THSD7A: variants seen among roughly 807,000 people sequenced by gnomAD.
THSD7A encodes thrombospondin type-1 domain-containing protein 7A.
A neutral mutation model predicts 231.3 loss-of-function variants in THSD7A; 96 were observed. The ratio of observed to expected loss-of-function variants is 0.41; its 90% CI spans 0.35 to 0.49. The LOEUF (loss-of-function observed/expected upper bound fraction) is 0.49. Among genes scored for constraint, THSD7A ranks in the 20% least tolerant of loss-of-function variants. THSD7A has a pLI of 0.05. For missense variants in THSD7A, 2,290 were observed against 2,070.2 expected (o/e 1.11, Z -2.06); for synonymous variants, 940 against 743.3 (o/e 1.26, Z -4.30).
At chr7:11,810,917 C>A (rs1372371533) in intron 1 of THSD7A, among the ~76,000 whole-genome samples, 1 of 152,056 alleles carries the variant, frequency 6.6e-6, no homozygotes, top group Non-Finnish European at 1.5e-5. Flanking sequence ...ACTAAAGACT[C>A]CTCAAATCAG....
intron 4 of THSD7A, among the ~76,000 whole-genome samples, chr7:11,584,472 C>A (rs1409261505): frequency 6.6e-6 from 1 of 151,918 alleles, no homozygotes; most frequent in Non-Finnish European, 1.5e-5. Context: ...GTGTGTGAAT[C>A]TTGACTAGGT....
chr7:11,588,622 C>CTATT (rs1780016685), intron 4 of THSD7A, among the ~76,000 whole-genome samples: 1 of 151,984 alleles, frequency 6.6e-6, no homozygotes, highest in Admixed American at 6.6e-5. Flanking sequence ...TTGGGGGGAG[C>CTATT]TCTAAAAGAA....
intron 1 of THSD7A, among the ~76,000 whole-genome samples, chr7:11,705,535 G>A (rs1489117525): frequency 6.6e-6 from 1 of 150,850 alleles, no homozygotes; most frequent in Non-Finnish European, 1.5e-5. Flanking sequence ...GCCTATTGCA[G>A]CCTATACCAC....
At chr7:11,675,003 G>A (rs1439010806) in intron 1 of THSD7A, among the ~76,000 whole-genome samples, 1 of 152,140 alleles carries the variant, frequency 6.6e-6, no homozygotes, top group Non-Finnish European at 1.5e-5. Context: ...AACAGCTCCA[G>A]TCTGCTGCTC....
At chr7:11,783,781 A>G (rs1783704021) in intron 1 of THSD7A, among the ~76,000 whole-genome samples, 1 of 152,140 alleles carries the variant, frequency 6.6e-6, no homozygotes, top group South Asian at 2.1e-4. Context: ...AAAAATACAC[A>G]ATAGTCTAGA....
chr7:11,775,332 C>T (rs895166385), intron 1 of THSD7A, among the ~76,000 whole-genome samples: 1 of 152,104 alleles, frequency 6.6e-6, no homozygotes, highest in African/African-American at 2.4e-5. Context: ...TATTACCCAG[C>T]AATTCCATCT....
chr7:11,653,931 GATT>G (rs900605536), intron 1 of THSD7A, among the ~76,000 whole-genome samples: 31 of 151,844 alleles, frequency 2.0e-4, no homozygotes, highest in African/African-American at 7.2e-4. Context: ...ATAGTTTATT[GATT>G]ATTATTGAGT....
chr7:11,388,239 C>G (rs553716036), intron 23 of THSD7A, among the ~76,000 whole-genome samples: 1 of 151,438 alleles, frequency 6.6e-6, no homozygotes, highest in Admixed American at 6.6e-5. Flanking sequence ...CCCTCTTTTT[C>G]TATTGATTGG....
At chr7:11,701,067 T>C (rs1417499776) in intron 1 of THSD7A, among the ~76,000 whole-genome samples, 1 of 151,284 alleles carries the variant, frequency 6.6e-6, no homozygotes, top group African/African-American at 2.4e-5. Context: ...TAAGTTTTCA[T>C]GATTTAAAAT....
intron 2 of THSD7A, among the ~76,000 whole-genome samples, chr7:11,625,006 C>T (rs765826317): frequency 7.9e-5 from 12 of 151,942 alleles, no homozygotes; most frequent in Non-Finnish European, 1.5e-4. Context: ...ATCAGTATAT[C>T]GTATATTGTA....
At chr7:11,641,752 T>C (rs1027265214) in intron 1 of THSD7A, among the ~76,000 whole-genome samples, 1 of 120,534 alleles carries the variant, frequency 8.3e-6, no homozygotes, top group East Asian at 2.0e-4. Context: ...GAACCTAAAA[T>C]AAAATAAAAT....
chr7:11,714,983 A>T (rs536506160), intron 1 of THSD7A, among the ~76,000 whole-genome samples: 1 of 151,410 alleles, frequency 6.6e-6, no homozygotes. Context: ...TGGGCTGTAC[A>T]TATTTGGCGA....
At chr7:11,382,846 G>A (rs895466284) in intron 23 of THSD7A, among the ~76,000 whole-genome samples, 1 of 151,256 alleles carries the variant, frequency 6.6e-6, no homozygotes, top group Admixed American at 6.6e-5. Flanking sequence ...GGGAACCTAG[G>A]TTTTTAATTT....
chr7:11,772,871 T>C (rs1442543903), intron 1 of THSD7A, among the ~76,000 whole-genome samples: 2 of 152,008 alleles, frequency 1.3e-5, no homozygotes, highest in African/African-American at 4.8e-5. Context: ...AAATAAAAGA[T>C]GACAAAAAAA....
intron 1 of THSD7A, among the ~76,000 whole-genome samples, chr7:11,774,215 C>T (rs770497754): frequency 3.3e-5 from 5 of 152,082 alleles, no homozygotes; most frequent in Non-Finnish European, 7.4e-5. Flanking sequence ...AAACCTTAGG[C>T]TAAATGAAAC....
chr7:11,726,763 C>T (rs1430220737), intron 1 of THSD7A, among the ~76,000 whole-genome samples: 1 of 152,032 alleles, frequency 6.6e-6, no homozygotes, highest in Non-Finnish European at 1.5e-5. Context: ...CTGAAATTAA[C>T]TGTTTCCCAC....
chr7:11,803,529 G>A (rs1784330128), intron 1 of THSD7A, among the ~76,000 whole-genome samples: 1 of 151,980 alleles, frequency 6.6e-6, no homozygotes, highest in African/African-American at 2.4e-5. Flanking sequence ...GAGGAGAAAA[G>A]GAGAAAGAAA....
At chr7:11,639,065 C>T (rs1432940326) in intron 1 of THSD7A, among the ~76,000 whole-genome samples, 2 of 152,092 alleles carry the variant, frequency 1.3e-5, no homozygotes, top group African/African-American at 2.4e-5. Context: ...CTGAACACAA[C>T]ATATAAAGAC....
At chr7:11,720,726 A>G (rs1275315015) in intron 1 of THSD7A, among the ~76,000 whole-genome samples, 3 of 151,756 alleles carry the variant, frequency 2.0e-5, no homozygotes, top group Non-Finnish European at 4.4e-5. Flanking sequence ...ATCTACATTA[A>G]TAAGCAAAGT....
Sources: gnomAD v4.1 joint callset for allele counts (sites outside exome capture counted in the v4.1 genomes callset) on GRCh38, gnomAD v4.1.1 for gene constraint, MANE v1.5 for transcripts, NCBI Gene and HGNC (gene_info 2026-07-23, HGNC 2026-07-21) for gene names.